Variants in DSCAM observed in about 807,000 individuals in gnomAD.
DSCAM encodes cell adhesion molecule DSCAM.
DSCAM carries 47 observed loss-of-function variants against 217.7 expected under a neutral mutation model. That is an observed-to-expected ratio of 0.22 (90% CI 0.17 to 0.28). The LOEUF is 0.28. DSCAM is among the 10% of genes least tolerant of loss of function. The pLI is 1.00. For synonymous variants in DSCAM, 1,056 were observed against 1,015.3 expected, an observed-to-expected ratio of 1.04 and a Z score of -0.76; for missense variants, 2,080 against 2,618.3, an observed-to-expected ratio of 0.79 and a Z score of 4.49.
chr21:40,054,856 T>C (rs954195978), intron 29 of DSCAM, among the ~76,000 whole-genome samples: 2 of 152,220 alleles, frequency 1.3e-5, no homozygotes, highest in Non-Finnish European at 2.9e-5. Context: ...CACAGACCTC[T>C]CTACATCTTG....
intron 3 of DSCAM, among the ~76,000 whole-genome samples, chr21:40,374,777 G>C (rs943439366): frequency 1.3e-5 from 2 of 152,318 alleles, no homozygotes. Context: ...CGCCCTGTGG[G>C]ATCGCAGTGA....
At chr21:40,165,722 G>A (rs1175644300) in intron 16 of DSCAM, among the ~76,000 whole-genome samples, 1 of 152,212 alleles carries the variant, frequency 6.6e-6, no homozygotes, top group African/African-American at 2.4e-5. Flanking sequence ...AAAAGCTTTT[G>A]AGGCCACAGT....
At chr21:40,521,840 G>A (rs1403665300) in intron 3 of DSCAM, among the ~76,000 whole-genome samples, 1 of 152,082 alleles carries the variant, frequency 6.6e-6, no homozygotes, top group Non-Finnish European at 1.5e-5. Context: ...CAAAATAGCT[G>A]TCATAGAGGA....
chr21:40,458,645 A>T lies in DSCAM; in HGVS notation c.509-89400T>A, dbSNP rs189099199. ...TATTAAGTAAATGTAAAGTTTTAAG[A>T]TAAAAAATTAGATTGTTGATTAAAC... On this transcript the variant is annotated intron_variant, in intron 3 of 32. Coordinates refer to ENST00000400454, the MANE Select transcript of DSCAM (RefSeq NM_001389.5). Among the ~76,000 whole-genome samples, 388 of 152,318 alleles carry T rather than the reference A, an allele frequency of 2.5e-3. 1 individual carries two copies. The highest frequency in any genetic ancestry group is 8.7e-3 in the African/African-American group (360 of 41,586).
intron 8 of DSCAM, among the ~76,000 whole-genome samples, chr21:40,329,907 T>A (rs1405084524): frequency 6.6e-6 from 1 of 151,890 alleles, no homozygotes; most frequent in African/African-American, 2.4e-5. Flanking sequence ...GAGGTGTGTG[T>A]CAAAGGACAC....
At chr21:40,424,491 G>A (rs774969945) in intron 3 of DSCAM, among the ~76,000 whole-genome samples, 1 of 152,188 alleles carries the variant, frequency 6.6e-6, no homozygotes, top group Non-Finnish European at 1.5e-5. Context: ...AGCGCCAGGT[G>A]CCGCAGGAGG....
intron 3 of DSCAM, among the ~76,000 whole-genome samples, chr21:40,669,592 T>A (rs887098228): frequency 2.2e-3 from 288 of 131,772 alleles, no homozygotes; most frequent in African/African-American, 9.4e-3. Context: ...TTATATATAT[T>A]TTTTTTTTTT....
chr21:40,322,897 T>C (rs2074275594), intron 8 of DSCAM, among the ~76,000 whole-genome samples: 4 of 152,154 alleles, frequency 2.6e-5, no homozygotes, highest in Non-Finnish European at 5.9e-5. Flanking sequence ...CCATTTGACA[T>C]CTACGTAAGT....
At chr21:40,402,049 C>CTTTTTTTTTTTTTTT (rs71186933) in intron 3 of DSCAM, among the ~76,000 whole-genome samples, 1 of 58,212 alleles carries the variant, frequency 1.7e-5, no homozygotes, top group Non-Finnish European at 2.9e-5. Flanking sequence ...ATTCTTATTC[C>CTTTTTTTTTTTTTTT]TTTTTTTTTT....
intron 21 of DSCAM, among the ~76,000 whole-genome samples, chr21:40,087,759 C>A: frequency 6.6e-6 from 1 of 152,230 alleles, no homozygotes; most frequent in East Asian, 1.9e-4. Flanking sequence ...TGTATTATAG[C>A]AAGTTGATCT....
chr21:40,629,078 TG>T (rs2089648820), intron 3 of DSCAM, among the ~76,000 whole-genome samples: 1 of 1,378 alleles, frequency 7.3e-4, no homozygotes, highest in Non-Finnish European at 1.6e-3. Flanking sequence ...GTGTGTGTGG[TG>T]TGTGTGTGTG....
At chr21:40,333,349 TA>T (rs2074396153) in intron 8 of DSCAM, among the ~76,000 whole-genome samples, 1 of 152,212 alleles carries the variant, frequency 6.6e-6, no homozygotes, top group Admixed American at 6.5e-5. Flanking sequence ...ATATTTCATT[TA>T]AAAACATTTT....
intron 21 of DSCAM, among the ~76,000 whole-genome samples, chr21:40,093,188 A>G (rs571818256): frequency 3.6e-4 from 55 of 152,296 alleles, no homozygotes; most frequent in African/African-American, 1.3e-3. Flanking sequence ...CTTTTTAAGG[A>G]CCAGTTTAAC....
intron 10 of DSCAM, among the ~76,000 whole-genome samples, chr21:40,292,109 T>C (rs1321523422): frequency 6.6e-6 from 1 of 151,364 alleles, no homozygotes; most frequent in Non-Finnish European, 1.5e-5. Flanking sequence ...TTTGTTCATG[T>C]AAATAAATAA....
At chr21:40,131,612 A>G (rs1030915310) in intron 19 of DSCAM, among the ~76,000 whole-genome samples, 1 of 152,150 alleles carries the variant, frequency 6.6e-6, no homozygotes, top group African/African-American at 2.4e-5. Flanking sequence ...TTTAGTAGAG[A>G]CAGGGTTTCA....
intron 1 of DSCAM, among the ~76,000 whole-genome samples, chr21:40,811,825 C>T (rs1023026439): frequency 6.6e-6 from 1 of 152,174 alleles, no homozygotes; most frequent in Non-Finnish European, 1.5e-5. Context: ...CGTTGAAGAC[C>T]TATGGGGTCC....
At chr21:40,498,354 G>A (rs1031338917) in intron 3 of DSCAM, among the ~76,000 whole-genome samples, 1 of 151,878 alleles carries the variant, frequency 6.6e-6, no homozygotes, top group East Asian at 2.0e-4. Flanking sequence ...CTGCAAGACT[G>A]CTGTGAGGAC....
intron 11 of DSCAM, among the ~76,000 whole-genome samples, chr21:40,265,066 A>G (rs2073505794): frequency 7.1e-6 from 1 of 140,542 alleles, no homozygotes; most frequent in Non-Finnish European, 1.5e-5. Flanking sequence ...AGTGACAGGC[A>G]TCTATAATCC....
At chr21:40,215,652 A>G (rs2091236286) in intron 11 of DSCAM, among the ~76,000 whole-genome samples, 1 of 152,078 alleles carries the variant, frequency 6.6e-6, no homozygotes, top group South Asian at 2.1e-4. Context: ...GGAGACTCAG[A>G]AGTGGGGAGG....
Sources: allele counts gnomAD v4.1 joint callset (sites outside exome capture counted in the v4.1 genomes callset), GRCh38; gene constraint gnomAD v4.1.1; transcripts MANE v1.5; gene names NCBI Gene and HGNC (gene_info 2026-07-23, HGNC 2026-07-21).